PROSER2: variants seen among roughly 807,000 people sequenced by gnomAD.
PROSER2 encodes the protein proline and serine-rich protein 2.
In PROSER2, 18 loss-of-function variants were observed where a neutral mutation model predicts 14.6. That is an observed-to-expected ratio of 1.23 (90% CI 0.85 to 1.83). The LOEUF (loss-of-function observed/expected upper bound fraction) is 1.83. Ranked by LOEUF, PROSER2 falls within the 40% of genes most tolerant of loss-of-function variation. PROSER2 has a pLI of 0.00. For synonymous variants in PROSER2, 367 were observed against 286.4 expected, an observed-to-expected ratio of 1.28 and a Z score of -2.84; for missense variants, 823 against 629.8, an observed-to-expected ratio of 1.31 and a Z score of -3.28.
At position 11,869,505 on chromosome 10, in the gene PROSER2, G is replaced by C; in HGVS notation, c.407G>C (p.Gly136Ala). Residue 136 changes from glycine (G) to alanine (A), a missense_variant, in exon 4 of 4, where the codon GGG (glycine) becomes GCG (alanine). By Grantham distance (60) the Gly-to-Ala change is moderately conservative. Coordinates refer to ENST00000277570, the MANE Select transcript of PROSER2 (RefSeq NM_153256.4). This position sits in a 1 kb window ranked among gnomAD's most constrained non-coding sequence, Gnocchi z 4.4. The part of the protein sequence containing the change: ...GTQAAGPAPA[G>A]KEHRKQDAET... ...TGTCTTCCAGGGCCTGCACCTGCTG[G>C]GAAGGAGCACAGGAAACAAGATGCT... is the stretch of plus-strand genomic sequence containing the variant. 2 of 1,613,474 alleles carry C rather than the reference G, an allele frequency of 1.2e-6. No individual in the cohort carries two copies. Among genetic ancestry groups the C allele is most frequent in the Non-Finnish European group, 1.7e-6 (2 of 1,179,590 alleles).
intron 2 of PROSER2, among the ~76,000 whole-genome samples, chr10:11,863,724 A>C (rs747200764): frequency 6.6e-6 from 1 of 152,152 alleles, no homozygotes; most frequent in African/African-American, 2.4e-5. Context: ...ACATATTGCT[A>C]TATATCCTTT....
intron 2 of PROSER2, among the ~76,000 whole-genome samples, chr10:11,860,699 C>A (rs4747948): frequency 2.0e-5 from 3 of 152,334 alleles, no homozygotes; most frequent in East Asian, 1.9e-4. Flanking sequence ...GACCGTGAGC[C>A]GAGGAACTCT....
At position 11,840,520 on chromosome 10, in the gene PROSER2, T is replaced by C. The variant is rs572403676; in HGVS notation, c.-81-11477T>C. On this transcript the variant is annotated intron_variant, in intron 1 of 3. Coordinates refer to ENST00000277570, the MANE Select transcript of PROSER2 (RefSeq NM_153256.4). ...TATTTGGTTTATAGACCCAGTTTAC[T>C]AATAATTTTATTTGGGACTTTTTGC... Among the ~76,000 whole-genome samples, 62 of 152,290 alleles carry C rather than the reference T, an allele frequency of 4.1e-4. No individual in the cohort carries two copies. The South Asian group carries it at 0.011, about 28-fold the overall frequency.
Position 11,870,432 on chromosome 10 carries a change from C to A in PROSER2, c.*26C>A. 6.9e-7 allele frequency: 1 copy of A among 1,440,474 alleles called. No homozygotes were observed. The highest frequency in any genetic ancestry group is 9.1e-7 in the Non-Finnish European group (1 of 1,099,066). The allele number at this position is 1,440,474 out of a possible 1,614,324, so 89.2% of individuals were successfully genotyped here. ...GGGCCGCGCGGGCTCCAGTCCACCC[C>A]GTTTCTCCCCACCCTGAAGAGAGGG... is the stretch of plus-strand genomic sequence containing the variant. On this transcript the variant is annotated 3_prime_UTR_variant, in exon 4 of 4. Transcript: ENST00000277570.
chr10:11,834,591 C>T (rs756105671), intron 1 of PROSER2, among the ~76,000 whole-genome samples: 25 of 151,194 alleles, frequency 1.7e-4, no homozygotes, highest in East Asian at 5.9e-4. Context: ...AAAAATTAGC[C>T]GGGTATGGTA....
At chr10:11,843,566 G>C (rs144007625) in intron 1 of PROSER2, among the ~76,000 whole-genome samples, 2,698 of 152,002 alleles carry the variant, frequency 0.018, 87 homozygotes, top group African/African-American at 0.06. Context: ...CACGCCTATA[G>C]TCCCAGCTAC....
intron 1 of PROSER2, chr10:11,850,660 G>A (rs148425470): frequency 5.3e-5 from 8 of 152,298 alleles, no homozygotes; most frequent in East Asian, 1.9e-4. Context: ...GATGTGTACC[G>A]ATTAAGCAGA....
At position 11,866,073 on chromosome 10, in the gene PROSER2, T is replaced by C. The variant is rs1834339540; in HGVS notation, c.139-458T>C. On this transcript the variant is annotated intron_variant, in intron 2 of 3. Coordinates refer to ENST00000277570, the MANE Select transcript of PROSER2 (RefSeq NM_153256.4). The surrounding 1 kb of genome is among the most constrained non-coding windows in gnomAD (Gnocchi z 6.0). Reference sequence around the variant, plus strand: ...TGCTCCACCATCTCTCTTCCTGTTATTTTGTCATTGTGATTTGTGCCTTAA... The same window carrying C: ...TGCTCCACCATCTCTCTTCCTGTTACTTTGTCATTGTGATTTGTGCCTTAA... Among the ~76,000 whole-genome samples, 1 of 152,052 alleles carries C rather than the reference T, an allele frequency of 6.6e-6. No homozygotes were observed. The highest frequency in any genetic ancestry group is 2.4e-5 in the African/African-American group (1 of 41,412).
chr10:11,855,473 CAAAAAAA>C (rs71380787), intron 2 of PROSER2, among the ~76,000 whole-genome samples: 71 of 102,638 alleles, frequency 6.9e-4, no homozygotes, highest in African/African-American at 2.5e-3. Flanking sequence ...GACTCCATCT[CAAAAAAA>C]AAAAAAAAAA....
Position 11,856,091 on chromosome 10 carries a change from T to A in PROSER2, c.138+3876T>A, listed in dbSNP as rs546727158. Among the ~76,000 whole-genome samples the A allele has an allele frequency of 4.8e-4, 73 of 152,354 alleles. No individual in the cohort carries two copies. The highest frequency in any genetic ancestry group is 1.7e-3 in the African/African-American group (71 of 41,592). The stretch of plus-strand genomic sequence containing the variant: ...AACATAAGAGGGCAGCTTTGATGTG[T>A]GTGCAAGGCGGTGCTTCCTGACAAC... On this transcript the variant is annotated intron_variant, in intron 2 of 3. Coordinates refer to ENST00000277570, the MANE Select transcript of PROSER2 (RefSeq NM_153256.4). The surrounding 1 kb of genome is among the most constrained non-coding windows in gnomAD (Gnocchi z 5.3).
rs563976444 is a variant in PROSER2 at position 11,830,876 on chromosome 10, G to A, written c.-82+7406G>A. ...GGAATTTGCTAGCAGGTTCCCCAGA[G>A]GTATAGGAAGAGCGGGAGGAGAAGC... On this transcript the variant is annotated intron_variant, in intron 1 of 3. Coordinates refer to ENST00000277570, the MANE Select transcript of PROSER2 (RefSeq NM_153256.4). The surrounding 1 kb of genome is among the most constrained non-coding windows in gnomAD (Gnocchi z 4.5). 2.0e-5 allele frequency among the ~76,000 whole-genome samples: 3 copies of A among 152,318 alleles called. No individual in the cohort carries two copies. The South Asian group carries it at 6.2e-4, about 32-fold the overall frequency.
Position 11,828,113 on chromosome 10 carries a change from G to A in PROSER2, c.-82+4643G>A, listed in dbSNP as rs80267688. 3.3e-5 allele frequency among the ~76,000 whole-genome samples: 5 copies of A among 152,192 alleles called. No individual in the cohort carries two copies. In the East Asian group the frequency reaches 9.7e-4, roughly 29 times the overall value. On this transcript the variant is annotated intron_variant, in intron 1 of 3. Coordinates refer to ENST00000277570, the MANE Select transcript of PROSER2 (RefSeq NM_153256.4). ...TCAGGTTTCAGCCCCCAATAGCTGT[G>A]TGGCCTCAGGGTTCACCCTTCACCC...
chr10:11,836,243 C>T lies in PROSER2; in HGVS notation c.-82+12773C>T, dbSNP rs926141756. On this transcript the variant is annotated intron_variant, in intron 1 of 3. Coordinates refer to ENST00000277570, the MANE Select transcript of PROSER2 (RefSeq NM_153256.4). The surrounding 1 kb of genome is among the most constrained non-coding windows in gnomAD (Gnocchi z 4.6). ...ACAGAGTCTCACTCTGTTGGCCAGG[C>T]TGGTGTGCAGTGGTGTGATCTCCAC... 1.2e-4 allele frequency among the ~76,000 whole-genome samples: 19 copies of T among 152,022 alleles called. No individual in the cohort carries two copies. Among genetic ancestry groups the T allele is most frequent in the Admixed American group, 6.6e-5 (1 of 15,248 alleles).
Position 11,866,682 on chromosome 10 carries a change from G to A in PROSER2, c.290G>A (p.Ser97Asn), listed in dbSNP as rs1834354690. 2 of 1,614,110 alleles carry A rather than the reference G, an allele frequency of 1.2e-6. No individual in the cohort carries two copies. Among genetic ancestry groups the A allele is most frequent in the African/African-American group, 1.3e-5 (1 of 75,032 alleles). Residue 97 changes from serine (S) to asparagine (N), a missense_variant, in exon 3 of 4, where the codon AGC becomes AAC. Ser to Asn is a conservative substitution (Grantham distance 46). Transcript: ENST00000277570. This position sits in a 1 kb window ranked among gnomAD's most constrained non-coding sequence, Gnocchi z 6.0. ...CCLCSPSLEESTSSPSEPEDV... is the reference protein window; with the variant it reads ...CCLCSPSLEENTSSPSEPEDV... The stretch of plus-strand genomic sequence containing the variant: ...CTCTGCTCCCCGTCTCTGGAGGAGA[G>A]CACCTCCAGTCCCTCCGAGCCTGAA...
At chr10:11,845,560 T>C (rs984375244) in intron 1 of PROSER2, among the ~76,000 whole-genome samples, 1 of 151,480 alleles carries the variant, frequency 6.6e-6, no homozygotes, top group Non-Finnish European at 1.5e-5. Context: ...TTACAAAAAA[T>C]ACAGGCAGGG....
chr10:11,829,166 C>G (rs1441898586), intron 1 of PROSER2, among the ~76,000 whole-genome samples: 2 of 151,688 alleles, frequency 1.3e-5, no homozygotes, highest in African/African-American at 4.8e-5. Flanking sequence ...TGAAGTTGAA[C>G]AGGATGTTAG....
intron 1 of PROSER2, among the ~76,000 whole-genome samples, chr10:11,846,791 C>A (rs1379551636): frequency 6.6e-6 from 1 of 152,164 alleles, no homozygotes; most frequent in Non-Finnish European, 1.5e-5. Context: ...CCAGCTCTGT[C>A]ACGCAGGCCA....
rs957462483 is a variant in PROSER2, at chr10:11,830,759, A to C, written c.-82+7289A>C. On this transcript the variant is annotated intron_variant, in intron 1 of 3. Transcript: ENST00000277570. The surrounding 1 kb of genome is among the most constrained non-coding windows in gnomAD (Gnocchi z 4.5). ...TTTCAACAAACATTTGGTGGTCCCCATTGCTTAAAAATGTGCTAAAAACCC... is the reference window on the plus strand; with the variant it reads ...TTTCAACAAACATTTGGTGGTCCCCCTTGCTTAAAAATGTGCTAAAAACCC... Among the ~76,000 whole-genome samples, 1 of 152,216 alleles carries C rather than the reference A, an allele frequency of 6.6e-6. No individual in the cohort carries two copies. The highest frequency in any genetic ancestry group is 2.4e-5 in the African/African-American group (1 of 41,450).
rs558283551 is a variant in PROSER2 at position 11,842,931 on chromosome 10, C to CTTTTTTTTTTTTTTTTTTTTTTTTTTTTT, written c.-81-9039_-81-9038insTTTTTTTTTTTTTTTTTTTTTTTTTTTTT. On this transcript the variant is annotated intron_variant, in intron 1 of 3. Coordinates refer to ENST00000277570, the MANE Select transcript of PROSER2 (RefSeq NM_153256.4). ...TTTTCTATACTATTTTGCCATTGTT[C>CTTTTTTTTTTTTTTTTTTTTTTTTTTTTT]TTTTTTTTTTTTTTTTTTTTTTTTT... Among the ~76,000 whole-genome samples, 231 of 51,952 alleles carry CTTTTTTTTTTTTTTTTTTTTTTTTTTTTT rather than the reference C, an allele frequency of 4.4e-3. 45 individuals carry two copies. Among genetic ancestry groups the CTTTTTTTTTTTTTTTTTTTTTTTTTTTTT allele is most frequent in the Non-Finnish European group, 6.8e-3 (185 of 27,012 alleles). 34.1% of individuals were successfully genotyped at this position (51,952 alleles called of 152,430 possible). A position where few individuals can be genotyped will look rare whatever the true frequency, so the allele number is the denominator to read the frequency against.
Sources: allele counts gnomAD v4.1 joint callset (sites outside exome capture counted in the v4.1 genomes callset), GRCh38; gene constraint gnomAD v4.1.1; non-coding constraint Gnocchi (gnomAD v3.1); transcripts MANE v1.5; gene names NCBI Gene and HGNC (gene_info 2026-07-23, HGNC 2026-07-21).